RNF41: variants seen among roughly 807,000 people sequenced by gnomAD.
The protein encoded by RNF41 is ring finger protein 41, also known as E3 ubiquitin-protein ligase NRDP1.
A neutral mutation model predicts 33.0 loss-of-function variants in RNF41; 4 were observed. That is an observed-to-expected ratio of 0.12 (90% CI 0.06 to 0.28). The LOEUF (loss-of-function observed/expected upper bound fraction) is 0.28. Among genes scored for constraint, RNF41 ranks in the 10% least tolerant of loss-of-function variants. The pLI, the probability that RNF41 is intolerant of heterozygous loss-of-function variation, is 1.00. For synonymous variants in RNF41, 164 were observed against 153.2 expected (o/e 1.07, Z -0.52); for missense variants, 228 against 432.6 (o/e 0.53, Z 4.19).
At position 56,205,078 on chromosome 12, in the gene RNF41, T is replaced by C. The variant is rs1308024420; in HGVS notation, c.*1369A>G. 6.6e-6 allele frequency: 1 copy of C among 152,182 alleles called. No individual in the cohort carries two copies. The highest frequency in any genetic ancestry group is 1.5e-5 in the Non-Finnish European group (1 of 68,032). The allele number at this position is 152,182 out of a possible 1,614,324, so 9.4% of individuals were successfully genotyped here. On this transcript the variant is annotated 3_prime_UTR_variant, in exon 7 of 7. Transcript: ENST00000345093. ...CTGTACTTAGAGATAAAATTTCTGA[T>C]TTGCATGGTGAAGCTTAGAACCCAG...
In RNF41 at chr12:56,207,764, A is replaced by G. The variant is rs755001155; in HGVS notation, c.499-15T>C. 2 of 1,597,222 alleles carry G rather than the reference A, an allele frequency of 1.3e-6. No homozygotes were observed. Among genetic ancestry groups the G allele is most frequent in the Non-Finnish European group, 1.7e-6 (2 of 1,164,554 alleles). ...ATGTCTCGCTTCTGTTGTGGGGAAGAAGAACAGGAATAATGGTTAAGGCAG... is the reference window on the plus strand; with the variant it reads ...ATGTCTCGCTTCTGTTGTGGGGAAGGAGAACAGGAATAATGGTTAAGGCAG... On this transcript the variant is annotated splice_polypyrimidine_tract_variant and intron_variant, in intron 5 of 6. Transcript: ENST00000345093.
At position 56,206,189 on chromosome 12, in the gene RNF41, T is replaced by G; in HGVS notation, c.*258A>C. ...CAGGGACCCTAAGCAGGAAAATGGATGGAGGTGGGGGCTTTCCCACCCAGA... is the reference window on the plus strand; with the variant it reads ...CAGGGACCCTAAGCAGGAAAATGGAGGGAGGTGGGGGCTTTCCCACCCAGA... On this transcript the variant is annotated 3_prime_UTR_variant, in exon 7 of 7. Transcript: ENST00000345093. This position sits in a 1 kb window ranked among gnomAD's most constrained non-coding sequence, Gnocchi z 5.7. 1 of 421,508 alleles carries G rather than the reference T, an allele frequency of 2.4e-6. No individual in the cohort carries two copies. Among genetic ancestry groups the G allele is most frequent in the Non-Finnish European group, 4.2e-6 (1 of 236,154 alleles). 26.1% of individuals were successfully genotyped at this position (421,508 alleles called of 1,614,324 possible). A position where few individuals can be genotyped will look rare whatever the true frequency, so the allele number is the denominator to read the frequency against.
chr12:56,208,196 C>T lies in RNF41; in HGVS notation c.465G>A (p.Thr155=), dbSNP rs751364027. 4.3e-6 allele frequency: 7 copies of T among 1,614,218 alleles called. No homozygotes were observed. In the South Asian group the frequency reaches 5.5e-5, roughly 13 times the overall value. Residue 155 remains threonine, a synonymous_variant, in exon 5 of 7, where the codon ACG becomes ACA. Transcript: ENST00000345093. ...QQTRIAELEK[T]SAEHKHQLAE... ...CCAGCTGGTGTTTGTGTTCAGCTGA[C>T]GTCTTCTCCAGCTCTGCGATGCGTG...
At chr12:56,210,913 G>A (rs970715605) in intron 3 of RNF41, among the ~76,000 whole-genome samples, 4 of 152,180 alleles carry the variant, frequency 2.6e-5, no homozygotes, top group African/African-American at 9.7e-5. Flanking sequence ...TAGGCCGGGC[G>A]CAGTGGCTCA....
At chr12:56,219,474 C>T (rs940986108) in intron 1 of RNF41, among the ~76,000 whole-genome samples, 1 of 151,578 alleles carries the variant, frequency 6.6e-6, no homozygotes. Context: ...GGATTACAGG[C>T]GTGAGCCACC....
intron 6 of RNF41, 65 bp downstream of exon 6, chr12:56,207,581 C>T: frequency 8.1e-7 from 1 of 1,228,704 alleles, no homozygotes; most frequent in Non-Finnish European, 1.2e-6. Flanking sequence ...TACTCTCCTG[C>T]TCTTCCTCCT....
intron 2 of RNF41, 115 bp from the exon 3 acceptor site, chr12:56,214,185 T>A (rs1868686444): frequency 2.9e-6 from 2 of 683,900 alleles, no homozygotes; most frequent in Admixed American, 4.5e-5. Flanking sequence ...ACTGGGAGTC[T>A]ACTATGCAGC....
chr12:56,208,142 C>T (rs1396311281), intron 5 of RNF41, 21 bp downstream of exon 5: 2 of 1,613,860 alleles, frequency 1.2e-6, no homozygotes, highest in Non-Finnish European at 1.7e-6. Context: ...GATATGTTCT[C>T]CCCCGTGTCT....
At position 56,206,890 on chromosome 12, in the gene RNF41, A is replaced by C; in HGVS notation, c.603-92T>G. The C allele has an allele frequency of 9.9e-7, 1 of 1,009,838 alleles. No homozygotes were observed. Among genetic ancestry groups the C allele is most frequent in the Non-Finnish European group, 1.4e-6 (1 of 698,816 alleles). 62.6% of individuals were successfully genotyped at this position (1,009,838 alleles called of 1,614,324 possible). On this transcript the variant is annotated intron_variant, in intron 6 of 6. Coordinates refer to ENST00000345093, the MANE Select transcript of RNF41 (RefSeq NM_005785.4). This position sits in a 1 kb window ranked among gnomAD's most constrained non-coding sequence, Gnocchi z 5.7. The stretch of plus-strand genomic sequence containing the variant: ...TAATAGAAATAACTACCCACTCTGC[A>C]CTCAGCTTACCTATTCTTCCTTCTT...
chr12:56,206,462 G>A lies in RNF41; in HGVS notation c.939C>T (p.Gly313=), dbSNP rs779256471. Residue 313 remains glycine (G), a synonymous_variant, in exon 7 of 7, where the codon GGC becomes GGT. Coordinates refer to ENST00000345093, the MANE Select transcript of RNF41 (RefSeq NM_005785.4). The surrounding 1 kb of genome is among the most constrained non-coding windows in gnomAD (Gnocchi z 5.7). ...EPGLVMIFAH[G]VEEI is the part of the protein sequence containing the mutation. ...TCGAGTTCTCTTATATCTCTTCCACGCCATGCGCAAATATCATGACAAGGC... is the reference window on the plus strand; with the variant it reads ...TCGAGTTCTCTTATATCTCTTCCACACCATGCGCAAATATCATGACAAGGC... 20 of 1,611,842 alleles carry A rather than the reference G, an allele frequency of 1.2e-5. No homozygotes were observed. The highest frequency in any genetic ancestry group is 1.2e-4 in the Admixed American group (7 of 59,874).
At chr12:56,216,991 T>C (rs1327251279) in intron 1 of RNF41, among the ~76,000 whole-genome samples, 1 of 151,418 alleles carries the variant, frequency 6.6e-6, no homozygotes, top group African/African-American at 2.4e-5. Context: ...ATACAAAAAA[T>C]TAGCTGGGCG....
At position 56,202,493 on chromosome 12, in the gene RNF41, C is replaced by T. The variant is rs1298472244; in HGVS notation, c.*3954G>A. ...CCTGCTGTTGTAATGTGAAAGCAGC[C>T]ACAGACAATATATAAACAAGTGGGC... On this transcript the variant is annotated 3_prime_UTR_variant, in exon 7 of 7. Coordinates refer to ENST00000345093, the MANE Select transcript of RNF41 (RefSeq NM_005785.4). 2.0e-5 allele frequency: 3 copies of T among 152,140 alleles called. No homozygotes were observed. The highest frequency in any genetic ancestry group is 4.8e-5 in the African/African-American group (2 of 41,420). 9.4% of individuals were successfully genotyped at this position (152,140 alleles called of 1,614,324 possible).
intron 2 of RNF41, among the ~76,000 whole-genome samples, chr12:56,214,561 G>C (rs1418521098): frequency 6.7e-6 from 1 of 149,714 alleles, no homozygotes; most frequent in East Asian, 2.0e-4. Context: ...TGGCACAGTG[G>C]CTCACGCCTG....
At position 56,206,829 on chromosome 12, in the gene RNF41, C is replaced by T; in HGVS notation, c.603-31G>A. 1 of 1,502,516 alleles carries T rather than the reference C, an allele frequency of 6.7e-7. No individual in the cohort carries two copies. The highest frequency in any genetic ancestry group is 9.1e-7 in the Non-Finnish European group (1 of 1,093,436). The allele number at this position is 1,502,516 out of a possible 1,614,324, so 93.1% of individuals were successfully genotyped here. ...TGGAGGTGGTTAAAGATGGTCATTC[C>T]AGCTCATCTCCTTTCTCTGTATTGG... On this transcript the variant is annotated intron_variant, in intron 6 of 6. Transcript: ENST00000345093. The surrounding 1 kb of genome is among the most constrained non-coding windows in gnomAD (Gnocchi z 5.7).
chr12:56,208,340 C>G (rs767364182), intron 4 of RNF41, 42 bp from the exon 5 acceptor site: 1 of 1,606,882 alleles, frequency 6.2e-7, no homozygotes, highest in African/African-American at 1.3e-5. Context: ...GAGGTGATCC[C>G]TGGGACATGT....
At chr12:56,210,274 G>C in intron 4 of RNF41, 23 bp downstream of exon 4, 3 of 1,606,230 alleles carry the variant, frequency 1.9e-6, no homozygotes, top group Non-Finnish European at 2.6e-6. Flanking sequence ...TATCCATGTG[G>C]GGCAGAAGGG....
Position 56,215,151 on chromosome 12 carries a change from A to G in RNF41, c.-23-1081T>C, listed in dbSNP as rs1406684822. 2.0e-5 allele frequency among the ~76,000 whole-genome samples: 3 copies of G among 152,212 alleles called. No individual in the cohort carries two copies. The South Asian group carries it at 6.2e-4, about 32-fold the overall frequency. ...GGTTCAGAGAATTTCAAGTGATTCA[A>G]GAAAAGGCTGACCTGAGAGGTGGGA... On this transcript the variant is annotated intron_variant, in intron 2 of 6. Coordinates refer to ENST00000345093, the MANE Select transcript of RNF41 (RefSeq NM_005785.4).
chr12:56,206,610 G>A lies in RNF41; in HGVS notation c.791C>T (p.Thr264Ile), dbSNP rs1419638171. The change falls in exon 7 of 7, where the codon ACT (threonine) becomes ATT (isoleucine). Residue 264 changes from threonine to isoleucine, a missense_variant. Around this residue, in one of 2 missense-constraint regions of RNF41, gnomAD observed 199 missense variants for 334.6 expected, o/e 0.59. Coordinates refer to ENST00000345093, the MANE Select transcript of RNF41 (RefSeq NM_005785.4). This position sits in a 1 kb window ranked among gnomAD's most constrained non-coding sequence, Gnocchi z 5.7. ...ATAGTAGCGTCGGTTCATCTGTCTAGTCTCTAGTGTGGCCAGACCCTGGGG... is the reference window on the plus strand; with the variant it reads ...ATAGTAGCGTCGGTTCATCTGTCTAATCTCTAGTGTGGCCAGACCCTGGGG... ...SWPQGLATLE[T>I]RQMNRRYYEN... The A allele has an allele frequency of 1.2e-6, 2 of 1,614,056 alleles. No individual in the cohort carries two copies. Among genetic ancestry groups the A allele is most frequent in the Admixed American group, 1.7e-5 (1 of 60,006 alleles).
chr12:56,212,649 G>C (rs1175799990), intron 3 of RNF41, among the ~76,000 whole-genome samples: 1 of 151,982 alleles, frequency 6.6e-6, no homozygotes, highest in African/African-American at 2.4e-5. Context: ...GCCTCTAATG[G>C]CAGCAGACTG....
Sources: gnomAD v4.1 joint callset for allele counts (sites outside exome capture counted in the v4.1 genomes callset) on GRCh38, gnomAD v4.1.1 for gene constraint, gnomAD v4.1.1 regional missense constraint, Gnocchi (gnomAD v3.1) non-coding constraint, MANE v1.5 for transcripts, NCBI Gene and HGNC (gene_info 2026-07-23, HGNC 2026-07-21) for gene names.